PCDHGB2: variants seen among roughly 807,000 people sequenced by gnomAD.
The protein encoded by PCDHGB2 is protocadherin gamma-B2.
Under a neutral mutation model 59.3 loss-of-function variants are expected in PCDHGB2, and 55 were observed. The observed-to-expected ratio is 0.93, with a 90% confidence interval of 0.75 to 1.16. PCDHGB2 has a LOEUF of 1.16. PCDHGB2 is among the 50% of genes most tolerant of loss of function. The pLI, the probability that PCDHGB2 is intolerant of heterozygous loss-of-function variation, is 0.00. For missense variants in PCDHGB2, 1,228 were observed against 1,198.5 expected (o/e 1.02, Z -0.36); for synonymous variants, 516 against 512.0 (o/e 1.01, Z -0.11).
rs752031820 is a variant in PCDHGB2, at chr5:141,360,903, G to C, written c.768G>C (p.Pro256=). The change falls in exon 1 of 4, where the codon CCG becomes CCC. Residue 256 remains proline (P), a synonymous_variant. Coordinates refer to ENST00000522605, the MANE Select transcript of PCDHGB2 (RefSeq NM_018923.3). ...VYRVTLREDV[P]PGFFVLQVTA... ...GGGTCACCCTGAGGGAGGACGTGCCGCCGGGCTTCTTTGTGCTTCAAGTGA... is the reference window on the plus strand; with the variant it reads ...GGGTCACCCTGAGGGAGGACGTGCCCCCGGGCTTCTTTGTGCTTCAAGTGA... 1.2e-6 allele frequency: 2 copies of C among 1,614,034 alleles called. No individual in the cohort carries two copies. The highest frequency in any genetic ancestry group is 4.5e-5 in the East Asian group (2 of 44,888).
At chr5:141,434,521 T>G (rs2097700467) in intron 1 of PCDHGB2, among the ~76,000 whole-genome samples, 1 of 152,202 alleles carries the variant, frequency 6.6e-6, no homozygotes, top group Non-Finnish European at 1.5e-5. Flanking sequence ...AAAGGTGTTC[T>G]TAAACCACAA....
Position 141,491,340 on chromosome 5 carries a change from C to T in PCDHGB2, c.2422-3467C>T, listed in dbSNP as rs772328241. The T allele has an allele frequency of 3.7e-6, 6 of 1,614,144 alleles. No individual in the cohort carries two copies. The Admixed American group carries it at 6.7e-5, about 18-fold the overall frequency. ...TTTACCTCATTGTGGCTCTAGCGAC[C>T]GTCAGTCTCTTATCCCTAGTCACCT... On this transcript the variant is annotated intron_variant, in intron 1 of 3. Transcript: ENST00000522605. This position sits in a 1 kb window ranked among gnomAD's most constrained non-coding sequence, Gnocchi z 6.9.
intron 2 of PCDHGB2, 54 bp downstream of exon 2, chr5:141,494,919 T>A: frequency 6.2e-7 from 1 of 1,613,926 alleles, no homozygotes; most frequent in South Asian, 1.1e-5. Flanking sequence ...TTCTCAGGGA[T>A]GACGTGGGAG....
chr5:141,364,693 A>G, intron 1 of PCDHGB2: 1 of 1,614,018 alleles, frequency 6.2e-7, no homozygotes, highest in South Asian at 1.1e-5. Context: ...GAGTAGAAGT[A>G]GAAATAATCG....
chr5:141,457,942 T>C (rs2098933338), intron 1 of PCDHGB2, among the ~76,000 whole-genome samples: 1 of 152,226 alleles, frequency 6.6e-6, no homozygotes, highest in Non-Finnish European at 1.5e-5. Flanking sequence ...TTATTGGCTC[T>C]GCATGTCAAG....
Position 141,487,564 on chromosome 5 carries a change from G to A in PCDHGB2, c.2422-7243G>A, listed in dbSNP as rs1436847912. ...AGTCACCCAGTGCACCTATGGCAGG[G>A]GAGCCTGTTCGCCCAAGCTGCCCAC... On this transcript the variant is annotated intron_variant, in intron 1 of 3. Coordinates refer to ENST00000522605, the MANE Select transcript of PCDHGB2 (RefSeq NM_018923.3). This position sits in a 1 kb window ranked among gnomAD's most constrained non-coding sequence, Gnocchi z 5.0. 3 of 1,614,178 alleles carry A rather than the reference G, an allele frequency of 1.9e-6. No homozygotes were observed. Among genetic ancestry groups the A allele is most frequent in the Non-Finnish European group, 2.5e-6 (3 of 1,180,040 alleles).
Position 141,477,167 on chromosome 5 carries a change from G to C in PCDHGB2, c.2422-17640G>C. The C allele has an allele frequency of 6.2e-7, 1 of 1,614,166 alleles. No individual in the cohort carries two copies. Among genetic ancestry groups the C allele is most frequent in the South Asian group, 1.1e-5 (1 of 91,076 alleles). ...TGTGGATGTGAATGACAACGCCCCG[G>C]AGATCACAGTCACCTCCGTGTACAG... On this transcript the variant is annotated intron_variant, in intron 1 of 3. Coordinates refer to ENST00000522605, the MANE Select transcript of PCDHGB2 (RefSeq NM_018923.3). The surrounding 1 kb of genome is among the most constrained non-coding windows in gnomAD (Gnocchi z 4.9).
intron 1 of PCDHGB2, chr5:141,418,251 C>G: frequency 6.2e-7 from 1 of 1,614,058 alleles, no homozygotes; most frequent in Non-Finnish European, 8.5e-7. Context: ...GACCACGCCC[C>G]TCAATTCCGG....
intron 1 of PCDHGB2, among the ~76,000 whole-genome samples, chr5:141,444,558 T>C (rs2098440789): frequency 6.6e-6 from 1 of 152,190 alleles, no homozygotes; most frequent in African/African-American, 2.4e-5. Context: ...AAGGCACTTA[T>C]TTGACACTTT....
At position 141,491,251 on chromosome 5, in the gene PCDHGB2, C is replaced by A; in HGVS notation, c.2422-3556C>A. On this transcript the variant is annotated intron_variant, in intron 1 of 3. Coordinates refer to ENST00000522605, the MANE Select transcript of PCDHGB2 (RefSeq NM_018923.3). This position sits in a 1 kb window ranked among gnomAD's most constrained non-coding sequence, Gnocchi z 6.9. ...GCTGCTGGTTCTGGAGGATGAGGAC[C>A]CTGAGGAAATGCCCAAATCCAGTGA... 6.2e-7 allele frequency: 1 copy of A among 1,614,144 alleles called. No homozygotes were observed. Among genetic ancestry groups the A allele is most frequent in the Non-Finnish European group, 8.5e-7 (1 of 1,180,016 alleles).
At chr5:141,382,895 C>A (rs1554087243) in intron 1 of PCDHGB2, 1 of 1,536,202 alleles carries the variant, frequency 6.5e-7, no homozygotes, top group South Asian at 1.3e-5. Flanking sequence ...AGAAGCAGGA[C>A]GACTATGGCG....
intron 1 of PCDHGB2, chr5:141,383,762 T>G (rs777698869): frequency 4.3e-6 from 7 of 1,613,846 alleles, no homozygotes; most frequent in Non-Finnish European, 5.9e-6. Context: ...ACTCCTAAAC[T>G]TCCAAAGATG....
intron 1 of PCDHGB2, chr5:141,478,378 G>A (rs1454112813): frequency 6.2e-7 from 1 of 1,613,558 alleles, no homozygotes; most frequent in Admixed American, 1.7e-5. Context: ...TGATGTCGCC[G>A]CACCTTTACC....
In PCDHGB2 at chr5:141,490,084, G is replaced by A. The variant is rs772917260; in HGVS notation, c.2422-4723G>A. The A allele has an allele frequency of 4.3e-6, 7 of 1,614,104 alleles. No individual in the cohort carries two copies. ...CAACGGCCAACTAGACTATTCTTTT[G>A]GAGACCACACATCTGAGGCAGTGCG... On this transcript the variant is annotated intron_variant, in intron 1 of 3. Transcript: ENST00000522605. The surrounding 1 kb of genome is among the most constrained non-coding windows in gnomAD (Gnocchi z 5.4).
At chr5:141,494,768 C>T (rs758949982) in intron 1 of PCDHGB2, 39 bp from the exon 2 acceptor site, 1 of 1,614,060 alleles carries the variant, frequency 6.2e-7, no homozygotes, top group South Asian at 1.1e-5. Flanking sequence ...TCTAACTTCT[C>T]ACGGGTACTC....
intron 1 of PCDHGB2, chr5:141,418,974 G>C (rs754074516): frequency 1.0e-4 from 167 of 1,613,818 alleles, no homozygotes; most frequent in Non-Finnish European, 1.4e-4. Flanking sequence ...TTCAAAACAC[G>C]GGACCAAGAC....
chr5:141,362,200 C>T lies in PCDHGB2; in HGVS notation c.2065C>T (p.Gln689Ter). The change falls in exon 1 of 4, where the codon CAG becomes TAG. Residue 689 changes from glutamine (Q) to a stop codon, truncating the protein, a stop_gained. Transcript: ENST00000522605. LOFTEE classifies it high-confidence loss of function. The part of the protein sequence containing the change: ...REPSDPQAKL[Q>*]FYLVVALALI... ...GCCCTCTGACCCCCAGGCAAAACTG[C>T]AGTTTTACCTGGTTGTGGCCTTGGC... 1 of 1,614,066 alleles carries T rather than the reference C, an allele frequency of 6.2e-7. No homozygotes were observed. Among genetic ancestry groups the T allele is most frequent in the Non-Finnish European group, 8.5e-7 (1 of 1,179,906 alleles).
In PCDHGB2 at chr5:141,450,548, G is replaced by A. The variant is rs186010209; in HGVS notation, c.2422-44259G>A. 3.3e-4 allele frequency among the ~76,000 whole-genome samples: 50 copies of A among 151,716 alleles called. 1 individual carries two copies. Among genetic ancestry groups the A allele is most frequent in the African/African-American group, 9.9e-4 (41 of 41,366 alleles). On this transcript the variant is annotated intron_variant, in intron 1 of 3. Transcript: ENST00000522605. ...GTCACCCAGGCTGGAATGCAGTGGC[G>A]CAGTCTCGGCTCACTGCAACTTCTG... is the stretch of plus-strand genomic sequence containing the variant.
At chr5:141,443,683 A>C (rs1358937790) in intron 1 of PCDHGB2, among the ~76,000 whole-genome samples, 1 of 152,248 alleles carries the variant, frequency 6.6e-6, no homozygotes, top group Admixed American at 6.5e-5. Flanking sequence ...GTTTACAAAC[A>C]CTTCAAAAAT....
Sources: allele counts gnomAD v4.1 joint callset (sites outside exome capture counted in the v4.1 genomes callset), GRCh38; gene constraint gnomAD v4.1.1; non-coding constraint Gnocchi (gnomAD v3.1); transcripts MANE v1.5; gene names NCBI Gene and HGNC (gene_info 2026-07-23, HGNC 2026-07-21).